Variants in ADGRF3 observed in about 807,000 individuals in gnomAD.
ADGRF3 encodes G protein-coupled receptor 113.
A neutral mutation model predicts 93.2 loss-of-function variants in ADGRF3; 85 were observed. The observed-to-expected ratio is 0.91, with a 90% CI of 0.77 to 1.09. ADGRF3 has a LOEUF of 1.09. ADGRF3 is among the 50% of genes least tolerant of loss of function. The pLI, the probability that ADGRF3 is intolerant of heterozygous loss-of-function variation, is 0.00. For missense variants in ADGRF3, 1,125 were observed against 1,246.2 expected, an observed-to-expected ratio of 0.90 and a Z score of 1.46; for synonymous variants, 534 against 532.5, an observed-to-expected ratio of 1.00 and a Z score of -0.04.
At chr2:26,326,335 C>T (rs1454830478) in intron 1 of ADGRF3, among the ~76,000 whole-genome samples, 1 of 152,092 alleles carries the variant, frequency 6.6e-6, no homozygotes, top group Admixed American at 6.5e-5. Flanking sequence ...GTTCTCTGGT[C>T]AGAAATCCCT....
At chr2:26,341,998 G>A (rs1574737847) in intron 1 of ADGRF3, among the ~76,000 whole-genome samples, 1 of 151,724 alleles carries the variant, frequency 6.6e-6, no homozygotes, top group African/African-American at 2.4e-5. Flanking sequence ...GCGTGAACCC[G>A]GGAGGCGGAG....
At chr2:26,346,028 G>A (rs1294255036) in intron 1 of ADGRF3, 93 bp downstream of exon 1, 36 of 1,317,438 alleles carry the variant, frequency 2.7e-5, no homozygotes, top group Non-Finnish European at 3.6e-5. Flanking sequence ...TCGATGGGCG[G>A]GGAGAAGCGT....
At chr2:26,336,221 T>C (rs1484103708) in intron 1 of ADGRF3, among the ~76,000 whole-genome samples, 1 of 151,786 alleles carries the variant, frequency 6.6e-6, no homozygotes, top group Non-Finnish European at 1.5e-5. Context: ...TGAGAGGGAG[T>C]TAACCAGTCA....
intron 1 of ADGRF3, among the ~76,000 whole-genome samples, chr2:26,338,871 C>T (rs1476936789): frequency 3.3e-5 from 5 of 152,050 alleles, no homozygotes; most frequent in Admixed American, 6.5e-5. Flanking sequence ...GGTGCGGTGG[C>T]TCACGCCTGT....
chr2:26,339,181 A>T (rs1253236607), intron 1 of ADGRF3, among the ~76,000 whole-genome samples: 1 of 151,584 alleles, frequency 6.6e-6, no homozygotes, highest in Non-Finnish European at 1.5e-5. Context: ...TACTTTTGTA[A>T]CTGGGTCCCT....
In ADGRF3 at chr2:26,311,545, C is replaced by T. The variant is rs766123061; in HGVS notation, c.1979G>A (p.Gly660Asp). The change falls in exon 10 of 14, where the codon GGT becomes GAT. Residue 660 changes from glycine to aspartate, a missense_variant. By Grantham distance (94) the Gly-to-Asp change is moderately conservative (BLOSUM62 -1). Transcript: ENST00000651242. The part of the protein sequence containing the change: ...WDHSLFQGRG[G>D]WSKEGCQAQV... Reference sequence around the variant, plus strand: ...TGCCTGGCACCCTTCTTTGGACCAACCCCCCCTGCCCTGGAAGAGACTGTG... The same window carrying T: ...TGCCTGGCACCCTTCTTTGGACCAATCCCCCCTGCCCTGGAAGAGACTGTG... The T allele has an allele frequency of 1.2e-5, 19 of 1,613,506 alleles. No homozygotes were observed. The South Asian group carries it at 2.1e-4, about 18-fold the overall frequency.
intron 1 of ADGRF3, among the ~76,000 whole-genome samples, chr2:26,324,258 A>C (rs1391421361): frequency 6.6e-6 from 1 of 152,214 alleles, no homozygotes; most frequent in Non-Finnish European, 1.5e-5. Flanking sequence ...CTCAAAAGAA[A>C]AAAGAAAAGA....
chr2:26,311,034 TG>T lies in ADGRF3; in HGVS notation c.2489del (p.Ala830GlufsTer15). 6.2e-7 allele frequency: 1 copy of T among 1,611,366 alleles called. No individual in the cohort carries two copies. Among genetic ancestry groups the T allele is most frequent in the South Asian group, 1.1e-5 (1 of 90,418 alleles). On this transcript the variant is annotated frameshift_variant, in exon 10 of 14. Coordinates refer to ENST00000651242, the MANE Select transcript of ADGRF3 (RefSeq NM_001321971.2). LOFTEE classifies it high-confidence loss of function. ...GTAGGTAGAGCCCCAGGGTGACACC[TG>T]CCAACCCCAGTGGGCACAGGTAGCC... Reference protein sequence around the residue: ...LLGYLCPLGLAGVTLGLYLPQ... With the variant: ...LLGYLCPLGLXGVTLGLYLPQ...
chr2:26,322,036 T>C (rs1239064912), intron 1 of ADGRF3, among the ~76,000 whole-genome samples: 1 of 146,136 alleles, frequency 6.8e-6, no homozygotes, highest in Non-Finnish European at 1.5e-5. Context: ...ATCCCAGCAC[T>C]ACACCTTGGA....
Position 26,310,736 on chromosome 2 carries a change from A to G in ADGRF3, c.2788T>C (p.Ser930Pro), listed in dbSNP as rs759375113. 6.2e-7 allele frequency: 1 copy of G among 1,613,238 alleles called. No homozygotes were observed. The highest frequency in any genetic ancestry group is 8.5e-7 in the Non-Finnish European group (1 of 1,179,556). ...GTGAAGATGTAATGAGGGACCGTGG[A>G]GACTTCCTCTAACAGAGTGGCCAGG... is the stretch of plus-strand genomic sequence containing the variant. ...LGLATLLEEV[S>P]TVPHYIFTIL... Residue 930 changes from serine (S) to proline (P), a missense_variant, in exon 10 of 14, where the codon TCC (serine) becomes CCC (proline). Ser to Pro is a moderately conservative substitution (Grantham distance 74). Coordinates refer to ENST00000651242, the MANE Select transcript of ADGRF3 (RefSeq NM_001321971.2).
chr2:26,331,819 GT>G (rs531334463), intron 1 of ADGRF3, among the ~76,000 whole-genome samples: 39 of 148,816 alleles, frequency 2.6e-4, no homozygotes, highest in East Asian at 9.8e-4. Flanking sequence ...TTTTGGTTTA[GT>G]TTTTTTTTTA....
chr2:26,342,705 A>G (rs1490425664), intron 1 of ADGRF3, among the ~76,000 whole-genome samples: 2 of 152,254 alleles, frequency 1.3e-5, no homozygotes, highest in African/African-American at 2.4e-5. Flanking sequence ...AAGCAATAAT[A>G]AACTACACTC....
At chr2:26,343,391 C>A (rs1004196826) in intron 1 of ADGRF3, among the ~76,000 whole-genome samples, 3 of 151,876 alleles carry the variant, frequency 2.0e-5, no homozygotes, top group African/African-American at 7.3e-5. Flanking sequence ...GATCGTAGTA[C>A]CTAATAGGTT....
Position 26,339,714 on chromosome 2 carries a change from G to A in ADGRF3, c.114+6407C>T, listed in dbSNP as rs181154928. Reference sequence around the variant, plus strand: ...ACTGCATGCTAGTATCTAATTATACGCCTTCTTAGAAGTTCCGGGGGCTAA... The same window carrying A: ...ACTGCATGCTAGTATCTAATTATACACCTTCTTAGAAGTTCCGGGGGCTAA... On this transcript the variant is annotated intron_variant, in intron 1 of 13. Transcript: ENST00000651242. Among the ~76,000 whole-genome samples, 257 of 151,834 alleles carry A rather than the reference G, an allele frequency of 1.7e-3. 1 individual carries two copies. The highest frequency in any genetic ancestry group is 6.0e-3 in the African/African-American group (248 of 41,444).
In ADGRF3 at chr2:26,308,846, C is replaced by T; in HGVS notation, c.*240G>A. ...CTGTCGATTATTTCTGGAGCAAAGG[C>T]AGGCTTATTCATTAGGTGCCTTTAG... On this transcript the variant is annotated 3_prime_UTR_variant, in exon 14 of 14. Transcript: ENST00000651242. 1.0e-5 allele frequency: 5 copies of T among 497,558 alleles called. No homozygotes were observed. The South Asian group carries it at 1.5e-4, about 15-fold the overall frequency. The allele number at this position is 497,558 out of a possible 1,614,324, so 30.8% of individuals were successfully genotyped here.
At chr2:26,342,491 A>C (rs1676452865) in intron 1 of ADGRF3, among the ~76,000 whole-genome samples, 1 of 152,092 alleles carries the variant, frequency 6.6e-6, no homozygotes, top group East Asian at 1.9e-4. Flanking sequence ...TATCTGATAC[A>C]CTCTTATTCA....
chr2:26,339,879 C>G (rs1473323877), intron 1 of ADGRF3, among the ~76,000 whole-genome samples: 4 of 152,146 alleles, frequency 2.6e-5, no homozygotes, highest in African/African-American at 9.7e-5. Flanking sequence ...AGAGAGCCAC[C>G]AGAACAAGAC....
chr2:26,313,624 C>A (rs150402759), intron 7 of ADGRF3, 51 bp from the exon 8 acceptor site: 1 of 1,572,832 alleles, frequency 6.4e-7, no homozygotes, highest in Non-Finnish European at 8.6e-7. Flanking sequence ...TCACCTGAGC[C>A]TCTCCTTGGG....
chr2:26,315,490 G>C lies in ADGRF3; in HGVS notation c.718+32C>G, dbSNP rs567942752. 36 of 1,536,826 alleles carry C rather than the reference G, an allele frequency of 2.3e-5. No homozygotes were observed. The South Asian group carries it at 3.6e-4, about 15-fold the overall frequency. On this transcript the variant is annotated intron_variant, in intron 5 of 13. Transcript: ENST00000651242. The stretch of plus-strand genomic sequence containing the variant: ...GGATGAAGGGAAGTAAGAGGAAGGA[G>C]AAAGGAGGCAAGGAGAGGACAGGCT...
Sources: gnomAD v4.1 joint callset for allele counts (sites outside exome capture counted in the v4.1 genomes callset) on GRCh38, gnomAD v4.1.1 for gene constraint, MANE v1.5 for transcripts, NCBI Gene and HGNC (gene_info 2026-07-23, HGNC 2026-07-21) for gene names.